LIPA: variants seen among roughly 807,000 people sequenced by gnomAD.
LIPA encodes the protein lysosomal acid lipase/cholesteryl ester hydrolase.
LIPA carries 26 observed loss-of-function variants against 40.6 expected under a neutral mutation model. The observed-to-expected ratio is 0.64, with a 90% CI of 0.47 to 0.89. LIPA has a LOEUF of 0.89. Among genes scored for constraint, LIPA ranks in the 40% least tolerant of loss-of-function variants. The pLI is 0.00. For missense variants in LIPA, 455 were observed against 479.6 expected, an observed-to-expected ratio of 0.95 and a Z score of 0.48; for synonymous variants, 188 against 168.4, an observed-to-expected ratio of 1.12 and a Z score of -0.90.
At chr10:89,215,615 A>C (rs1018890707) in intron 9 of LIPA, among the ~76,000 whole-genome samples, 1 of 152,254 alleles carries the variant, frequency 6.6e-6, no homozygotes, top group African/African-American at 2.4e-5. Context: ...TAAGCAATGT[A>C]ATCTGGCCAA....
intron 1 of LIPA, among the ~76,000 whole-genome samples, chr10:89,317,712 G>A (rs1032438496): frequency 2.6e-5 from 4 of 152,136 alleles, no homozygotes; most frequent in African/African-American, 9.7e-5. Flanking sequence ...AGGAAATACG[G>A]AGAACGCCAC....
chr10:89,226,825 A>G (rs1842775453), intron 5 of LIPA, 70 bp downstream of exon 5: 1 of 898,880 alleles, frequency 1.1e-6, no homozygotes, highest in Non-Finnish European at 1.9e-6. Flanking sequence ...TTTATATTTC[A>G]CTTTTAAGAA....
At chr10:89,245,579 T>G in intron 3 of LIPA, 97 bp downstream of exon 3, 4 of 774,070 alleles carry the variant, frequency 5.2e-6, no homozygotes, top group Non-Finnish European at 9.5e-6. Context: ...CGTCTAAAAA[T>G]AATCCCATTT....
At chr10:89,221,214 T>TAA (rs113377328) in intron 8 of LIPA, among the ~76,000 whole-genome samples, 18 of 149,528 alleles carry the variant, frequency 1.2e-4, no homozygotes, top group Non-Finnish European at 2.1e-4. Context: ...TATACCTCAA[T>TAA]AAAAAATTTT....
rs746967258 is a variant in LIPA at position 89,228,234 on chromosome 10, G to T, written c.394C>A (p.Leu132Ile). 6.2e-7 allele frequency: 1 copy of T among 1,613,998 alleles called. No homozygotes were observed. The highest frequency in any genetic ancestry group is 8.5e-7 in the Non-Finnish European group (1 of 1,179,982). ...CAGAATTCATCCTGAGAAACTGAGA[G>T]TGTCTTATGTTTCCGAGACCAGGTA... ...GNTWSRKHKT[L>I]SVSQDEFWAF... The change falls in exon 4 of 10, where the codon CTC becomes ATC. Residue 132 changes from leucine to isoleucine, a missense_variant. Physicochemically the swap from Leu to Ile is conservative, Grantham distance 5 (BLOSUM62 2). Transcript: ENST00000336233.
Position 89,305,825 on chromosome 10 carries a change from T to C in LIPA, c.-2+36786A>G, listed in dbSNP as rs1021610780. ...GAATTAACAATAAGGAAAAACATAT[T>C]ATAGAAAGAAAAGAAGGGGAGTTTC... On this transcript the variant is annotated intron_variant, in intron 1 of 5. Coordinates refer to the LIPA transcript ENST00000282673. 4.5e-6 allele frequency: 3 copies of C among 659,618 alleles called. No individual in the cohort carries two copies. The African/African-American group carries it at 5.4e-5, about 12-fold the overall frequency. 40.9% of individuals were successfully genotyped at this position (659,618 alleles called of 1,614,324 possible). A position where few individuals can be genotyped will look rare whatever the true frequency, so the allele number is the denominator to read the frequency against.
chr10:89,269,863 G>A (rs1221968868), intron 1 of LIPA, among the ~76,000 whole-genome samples: 1 of 152,138 alleles, frequency 6.6e-6, no homozygotes, highest in Non-Finnish European at 1.5e-5. Context: ...AGATTTGTAG[G>A]TAGCAACCTG....
chr10:89,379,385 C>T (rs1844144655), intron 2 of LIPA, among the ~76,000 whole-genome samples: 1 of 152,006 alleles, frequency 6.6e-6, no homozygotes, highest in South Asian at 2.1e-4. Flanking sequence ...ATGTTGCCTG[C>T]TAAAATTTGA....
chr10:89,249,996 C>T (rs1843091408), intron 1 of LIPA, among the ~76,000 whole-genome samples: 1 of 152,126 alleles, frequency 6.6e-6, no homozygotes, highest in Non-Finnish European at 1.5e-5. Context: ...AGTGAACTGA[C>T]TCCCTTCTGT....
intron 2 of LIPA, among the ~76,000 whole-genome samples, chr10:89,395,278 C>T (rs1349188573): frequency 7.0e-6 from 1 of 142,786 alleles, no homozygotes; most frequent in South Asian, 2.3e-4. Flanking sequence ...TTGCTCTAAA[C>T]CCACCAAATA....
chr10:89,332,907 G>A (rs907238575), intron 1 of LIPA, among the ~76,000 whole-genome samples: 1 of 152,132 alleles, frequency 6.6e-6, no homozygotes, highest in East Asian at 1.9e-4. Context: ...AGGTAAAATC[G>A]GGCCAGTGAA....
chr10:89,271,351 C>T (rs1843264783), intron 1 of LIPA, among the ~76,000 whole-genome samples: 1 of 152,208 alleles, frequency 6.6e-6, no homozygotes, highest in South Asian at 2.1e-4. Flanking sequence ...TTCATTGTTC[C>T]TAGAAGGAGA....
chr10:89,272,566 T>TAC (rs1843271069), intron 1 of LIPA, among the ~76,000 whole-genome samples: 1 of 152,220 alleles, frequency 6.6e-6, no homozygotes, highest in South Asian at 2.1e-4. Context: ...TATACGTGCA[T>TAC]GTGTCTTTAT....
At chr10:89,321,962 C>T (rs540565140) in intron 1 of LIPA, among the ~76,000 whole-genome samples, 3 of 152,052 alleles carry the variant, frequency 2.0e-5, no homozygotes, top group Non-Finnish European at 2.9e-5. Context: ...AGCAAACTAT[C>T]GCAAGGACAG....
At chr10:89,238,706 A>AT in intron 3 of LIPA, among the ~76,000 whole-genome samples, 1 of 152,028 alleles carries the variant, frequency 6.6e-6, no homozygotes, top group Non-Finnish European at 1.5e-5. Context: ...TAGTAAATAC[A>AT]TCCTATTTTC....
intron 2 of LIPA, among the ~76,000 whole-genome samples, chr10:89,373,132 GAC>G (rs1468405121): frequency 1.3e-5 from 2 of 151,824 alleles, no homozygotes; most frequent in African/African-American, 4.8e-5. Context: ...AGGAGATCGA[GAC>G]CATCCTGGCT....
intron 2 of LIPA, among the ~76,000 whole-genome samples, chr10:89,395,667 C>T (rs1227279975): frequency 6.6e-6 from 1 of 152,134 alleles, no homozygotes; most frequent in Non-Finnish European, 1.5e-5. Context: ...AGACATAGAT[C>T]AGACGCTTAG....
At chr10:89,314,875 A>G (rs867600137) in intron 1 of LIPA, among the ~76,000 whole-genome samples, 6 of 152,246 alleles carry the variant, frequency 3.9e-5, no homozygotes, top group Non-Finnish European at 4.4e-5. Flanking sequence ...CTGGTGAAAG[A>G]CAGTCTTTGA....
chr10:89,224,856 C>T (rs1166207346), intron 6 of LIPA, among the ~76,000 whole-genome samples: 1 of 152,196 alleles, frequency 6.6e-6, no homozygotes, highest in Admixed American at 6.5e-5. Context: ...GTGGGCAGAG[C>T]TGTACTGACA....
Sources: gnomAD v4.1 joint callset for allele counts (sites outside exome capture counted in the v4.1 genomes callset) on GRCh38, gnomAD v4.1.1 for gene constraint, MANE v1.5 for transcripts, NCBI Gene and HGNC (gene_info 2026-07-23, HGNC 2026-07-21) for gene names.